Variants in MGAT4C observed in about 807,000 individuals in gnomAD.
The protein encoded by MGAT4C is MGAT4 family member C.
In MGAT4C, 19 loss-of-function variants were observed where a neutral mutation model predicts 40.1. The ratio of observed to expected loss-of-function variants is 0.47; its 90% CI spans 0.33 to 0.70. The LOEUF (loss-of-function observed/expected upper bound fraction) is 0.70, where lower values mean the gene tolerates loss of function less well. Among genes scored for constraint, MGAT4C ranks in the 30% least tolerant of loss-of-function variants. The pLI is 0.02. For synonymous variants in MGAT4C, 181 were observed against 187.1 expected, an observed-to-expected ratio of 0.97 and a Z score of 0.27; for missense variants, 491 against 563.2, an observed-to-expected ratio of 0.87 and a Z score of 1.30.
chr12:86,187,232 A>G (rs1390892504), intron 1 of MGAT4C, among the ~76,000 whole-genome samples: 1 of 152,002 alleles, frequency 6.6e-6, no homozygotes, highest in Admixed American at 6.6e-5. Flanking sequence ...AATGCACCCA[A>G]TCTAGTCTAA....
chr12:86,374,124 G>C (rs943940425), intron 3 of MGAT4C, among the ~76,000 whole-genome samples: 3 of 152,006 alleles, frequency 2.0e-5, no homozygotes, highest in Non-Finnish European at 4.4e-5. Flanking sequence ...TGGTAGAAAA[G>C]TCATGAGCAA....
At chr12:86,807,868 C>G (rs2136212277) in intron 1 of MGAT4C, among the ~76,000 whole-genome samples, 1 of 152,182 alleles carries the variant, frequency 6.6e-6, no homozygotes, top group African/African-American at 2.4e-5. Flanking sequence ...TTGCATTTCT[C>G]TAATGATCAG....
In MGAT4C at chr12:85,980,332, G is replaced by C. The variant is rs761281614; in HGVS notation, c.394C>G (p.Leu132Val). ...TGAACCACCACTGAAATTTCCTTCAGCTCTTCATAGCTGGATTGCTCAAAA... is the reference window on the plus strand; with the variant it reads ...TGAACCACCACTGAAATTTCCTTCACCTCTTCATAGCTGGATTGCTCAAAA... ...SIFEQSSYEE[L>V]KEISVVVHLA... Residue 132 changes from leucine to valine, a missense_variant, in exon 5 of 5, where the codon CTG (leucine) becomes GTG (valine). Physicochemically the swap from Leu to Val is conservative, Grantham distance 32. Transcript: ENST00000611864. The C allele has an allele frequency of 6.2e-7, 1 of 1,613,842 alleles. No individual in the cohort carries two copies. The highest frequency in any genetic ancestry group is 8.5e-7 in the Non-Finnish European group (1 of 1,179,862).
At chr12:86,236,918 C>A (rs1271536174) in intron 1 of MGAT4C, among the ~76,000 whole-genome samples, 1 of 151,528 alleles carries the variant, frequency 6.6e-6, no homozygotes, top group Admixed American at 6.6e-5. Context: ...AATTTGTATA[C>A]CTGGTAAAGG....
chr12:86,651,542 C>T (rs1963697179), intron 2 of MGAT4C, among the ~76,000 whole-genome samples: 1 of 151,668 alleles, frequency 6.6e-6, no homozygotes, highest in African/African-American at 2.4e-5. Flanking sequence ...TATGAGTTTG[C>T]TTATTAATTA....
At chr12:86,635,074 A>T (rs1489818924) in intron 2 of MGAT4C, among the ~76,000 whole-genome samples, 1 of 152,048 alleles carries the variant, frequency 6.6e-6, no homozygotes, top group African/African-American at 2.4e-5. Context: ...TGTGCCTCCT[A>T]TTGCTTTATG....
intron 2 of MGAT4C, among the ~76,000 whole-genome samples, chr12:85,997,677 T>C (rs894201742): frequency 6.6e-6 from 1 of 152,188 alleles, no homozygotes; most frequent in Non-Finnish European, 1.5e-5. Context: ...TCCAAAATTA[T>C]CTCCTTTGAC....
chr12:86,324,811 G>A (rs774437864), intron 4 of MGAT4C, among the ~76,000 whole-genome samples: 10 of 151,750 alleles, frequency 6.6e-5, no homozygotes, highest in Non-Finnish European at 1.3e-4. Flanking sequence ...TGGTTTGTAT[G>A]ACTCTCAAGA....
At chr12:86,500,971 T>C (rs893092529) in intron 2 of MGAT4C, among the ~76,000 whole-genome samples, 3 of 152,058 alleles carry the variant, frequency 2.0e-5, no homozygotes, top group Non-Finnish European at 2.9e-5. Flanking sequence ...AATAGTATAA[T>C]TGCTATACAT....
intron 1 of MGAT4C, among the ~76,000 whole-genome samples, chr12:86,063,347 C>A (rs1437896735): frequency 6.6e-6 from 1 of 152,104 alleles, no homozygotes; most frequent in Non-Finnish European, 1.5e-5. Flanking sequence ...CACCACCAGG[C>A]CTGCCTTACA....
At chr12:86,764,627 G>A (rs1321669465) in intron 1 of MGAT4C, among the ~76,000 whole-genome samples, 1 of 149,666 alleles carries the variant, frequency 6.7e-6, no homozygotes, top group Non-Finnish European at 1.5e-5. Flanking sequence ...AGTAGGGGCA[G>A]ACTGACACCT....
intron 1 of MGAT4C, among the ~76,000 whole-genome samples, chr12:86,077,547 T>C (rs991840051): frequency 1.3e-5 from 2 of 152,246 alleles, no homozygotes; most frequent in African/African-American, 2.4e-5. Context: ...TCCTCACTTC[T>C]GCAGCTGGTC....
intron 1 of MGAT4C, among the ~76,000 whole-genome samples, chr12:86,827,037 A>C (rs543864124): frequency 6.6e-6 from 1 of 151,604 alleles, no homozygotes; most frequent in African/African-American, 2.4e-5. Flanking sequence ...TTCATATATT[A>C]ATAGACACAC....
At chr12:86,265,522 G>A (rs533444351) in intron 4 of MGAT4C, among the ~76,000 whole-genome samples, 2 of 151,962 alleles carry the variant, frequency 1.3e-5, no homozygotes, top group Admixed American at 6.6e-5. Flanking sequence ...ATTGATTTAC[G>A]TGCCTGTTTT....
At chr12:86,769,281 T>A (rs4575346) in intron 1 of MGAT4C, among the ~76,000 whole-genome samples, 59,290 of 151,896 alleles carry the variant, frequency 0.39, 11,671 homozygotes, top group Non-Finnish European at 0.42. Flanking sequence ...TCACCATCAC[T>A]GGCCATCAGA....
intron 2 of MGAT4C, among the ~76,000 whole-genome samples, chr12:86,485,975 C>T (rs992147283): frequency 6.6e-6 from 1 of 152,230 alleles, no homozygotes; most frequent in Admixed American, 6.6e-5. Context: ...TCCCACCAAA[C>T]TAAGCCTCAT....
At chr12:86,755,389 G>A (rs1473904690) in intron 1 of MGAT4C, among the ~76,000 whole-genome samples, 1 of 151,958 alleles carries the variant, frequency 6.6e-6, no homozygotes, top group African/African-American at 2.4e-5. Flanking sequence ...TGGTTTTCTG[G>A]AGAATTCTGA....
intron 1 of MGAT4C, among the ~76,000 whole-genome samples, chr12:86,098,766 T>A (rs1874395955): frequency 6.6e-6 from 1 of 151,698 alleles, no homozygotes; most frequent in Non-Finnish European, 1.5e-5. Context: ...ATATATTGCA[T>A]GTATTCTTCT....
intron 2 of MGAT4C, among the ~76,000 whole-genome samples, chr12:86,660,519 G>C (rs1207542379): frequency 6.6e-6 from 1 of 152,152 alleles, no homozygotes. Flanking sequence ...GTTCAGGAAA[G>C]AGATCTAACC....
Sources: gnomAD v4.1 joint callset for allele counts (sites outside exome capture counted in the v4.1 genomes callset) on GRCh38, gnomAD v4.1.1 for gene constraint, MANE v1.5 for transcripts, NCBI Gene and HGNC (gene_info 2026-07-23, HGNC 2026-07-21) for gene names.